The following SYNE2 variants were observed in gnomAD, a reference collection of about 807,000 sequenced individuals.
The protein encoded by SYNE2 is nesprin-2.
A neutral mutation model predicts 856.3 loss-of-function variants in SYNE2; 431 were observed. The observed-to-expected ratio is 0.50, with a 90% CI of 0.47 to 0.55. The LOEUF (loss-of-function observed/expected upper bound fraction) is 0.55, where lower values mean the gene tolerates loss of function less well. Ranked by LOEUF, SYNE2 falls within the 20% of genes least tolerant of loss-of-function variation. SYNE2 has a pLI of 0.00. For missense variants in SYNE2, 8,129 were observed against 8,023.2 expected, an observed-to-expected ratio of 1.01 and a Z score of -0.50; for synonymous variants, 2,923 against 2,872.3, an observed-to-expected ratio of 1.02 and a Z score of -0.56.
rs769633528 is a variant in SYNE2, at chr14:64,158,716, G to T, written c.15884G>T (p.Arg5295Leu). The change falls in exon 86 of 116, where the codon CGA becomes CTA. Residue 5295 changes from arginine (R) to leucine (L), a missense_variant. Arg to Leu is a moderately radical substitution (Grantham distance 102). This residue lies in a region of SYNE2 where 5,410 missense variants were observed against 5,284.8 expected (regional missense o/e 1.02). Coordinates refer to ENST00000555002, the MANE Select transcript of SYNE2 (RefSeq NM_182914.3). ...LYDEVNMMTI[R>L]FWYCMEHSKP... Reference sequence around the variant, plus strand: ...GATGAAGTGAATATGATGACAATCCGATTCTGGTACTGCATGGAACACAGC... The same window carrying T: ...GATGAAGTGAATATGATGACAATCCTATTCTGGTACTGCATGGAACACAGC... 27 of 1,613,842 alleles carry T rather than the reference G, an allele frequency of 1.7e-5. No individual in the cohort carries two copies. Among genetic ancestry groups the T allele is most frequent in the Non-Finnish European group, 2.1e-5 (25 of 1,179,928 alleles).
intron 77 of SYNE2, among the ~76,000 whole-genome samples, chr14:64,133,350 T>C (rs1439135379): frequency 1.3e-5 from 2 of 152,202 alleles, no homozygotes; most frequent in East Asian, 3.9e-4. Context: ...AAAGACTCCA[T>C]GGACCCAGTG....
intron 93 of SYNE2, 135 bp from the exon 94 acceptor site, chr14:64,170,093 C>A: frequency 1.2e-6 from 1 of 811,656 alleles, no homozygotes; most frequent in Non-Finnish European, 2.1e-6. Flanking sequence ...GAATAGCACT[C>A]AGGTGTTTAG....
chr14:64,159,278 T>C (rs1169240969), intron 86 of SYNE2, 34 bp from the exon 87 acceptor site: 2 of 1,613,318 alleles, frequency 1.2e-6, no homozygotes, highest in Non-Finnish European at 8.5e-7. Context: ...GCCAGGCCAT[T>C]CTGAAACTTA....
chr14:63,918,277 G>A (rs534440604), intron 2 of SYNE2, among the ~76,000 whole-genome samples: 1 of 152,270 alleles, frequency 6.6e-6, no homozygotes, highest in South Asian at 2.1e-4. Flanking sequence ...ACTCTGAATT[G>A]GAGGTCATTC....
At chr14:63,923,692 T>A (rs1305342055) in intron 2 of SYNE2, among the ~76,000 whole-genome samples, 1 of 152,212 alleles carries the variant, frequency 6.6e-6, no homozygotes, top group Non-Finnish European at 1.5e-5. Context: ...TTTATTAAGA[T>A]ATAATTTGAC....
At chr14:63,864,729 G>A (rs532832402) in intron 1 of SYNE2, among the ~76,000 whole-genome samples, 1 of 152,156 alleles carries the variant, frequency 6.6e-6, no homozygotes, top group Non-Finnish European at 1.5e-5. Flanking sequence ...TTCAGGGGTA[G>A]TGAGGACTGG....
At chr14:63,979,535 T>A (rs1257332786) in intron 14 of SYNE2, among the ~76,000 whole-genome samples, 23 of 152,252 alleles carry the variant, frequency 1.5e-4, no homozygotes, top group Admixed American at 1.5e-3. Flanking sequence ...TGTGTTCACA[T>A]CTAAGTTAAA....
At position 63,990,524 on chromosome 14, in the gene SYNE2, A is replaced by C. The variant is rs1487742471; in HGVS notation, c.2427A>C (p.Thr809=). ...SSQESFQHVL[T]TGLQAKIQEA... is the part of the protein sequence containing the mutation. ...AGGAGTCCTTTCAACATGTTCTCACAACTGGGCTTCAGGCAAAGATTCAAG... is the reference window on the plus strand; with the variant it reads ...AGGAGTCCTTTCAACATGTTCTCACCACTGGGCTTCAGGCAAAGATTCAAG... The change falls in exon 20 of 116, where the codon ACA becomes ACC. Residue 809 remains threonine, a synonymous_variant. Transcript: ENST00000555002. 6.2e-7 allele frequency: 1 copy of C among 1,613,848 alleles called. No individual in the cohort carries two copies. Among genetic ancestry groups the C allele is most frequent in the East Asian group, 2.2e-5 (1 of 44,870 alleles).
chr14:64,156,033 C>G (rs2098282458), intron 85 of SYNE2, among the ~76,000 whole-genome samples: 1 of 152,188 alleles, frequency 6.6e-6, no homozygotes, highest in Non-Finnish European at 1.5e-5. Context: ...TCATTTATTT[C>G]TATCTTAATA....
At chr14:64,180,779 C>G (rs1468673908) in intron 96 of SYNE2, among the ~76,000 whole-genome samples, 1 of 152,206 alleles carries the variant, frequency 6.6e-6, no homozygotes. Context: ...GCTGGGATTA[C>G]AGGCCTGAGC....
At chr14:63,860,984 C>T (rs1033014349) in intron 1 of SYNE2, among the ~76,000 whole-genome samples, 1 of 152,138 alleles carries the variant, frequency 6.6e-6, no homozygotes, top group African/African-American at 2.4e-5. Flanking sequence ...ATAACCTTGA[C>T]AGTGGGGCCC....
rs140068806 is a variant in SYNE2, at chr14:63,872,598, A to G, written c.-52+19455A>G. ...TGGTGAAATCCCATCTCTACTAAAA[A>G]TACAAAAATTAGCCGCACGTGGTGG... On this transcript the variant is annotated intron_variant, in intron 1 of 115. Transcript: ENST00000555002. Among the ~76,000 whole-genome samples the G allele has an allele frequency of 1.8e-3, 268 of 151,978 alleles. 1 individual carries two copies. Among genetic ancestry groups the G allele is most frequent in the Non-Finnish European group, 3.2e-3 (220 of 67,944 alleles).
chr14:63,779,165 C>CAA (rs796655479), intron 1 of SYNE2, among the ~76,000 whole-genome samples: 3 of 140,862 alleles, frequency 2.1e-5, no homozygotes, highest in Non-Finnish European at 3.1e-5. Context: ...ACTAAAAATA[C>CAA]AAAAAAAAAA....
intron 64 of SYNE2, among the ~76,000 whole-genome samples, chr14:64,103,682 C>G (rs548734872): frequency 1.3e-5 from 2 of 152,292 alleles, no homozygotes; most frequent in African/African-American, 4.8e-5. Context: ...TTCCTTCCTT[C>G]TCTACCTCAG....
chr14:63,763,837 A>G (rs2139685964), intron 1 of SYNE2, among the ~76,000 whole-genome samples: 1 of 152,034 alleles, frequency 6.6e-6, no homozygotes, highest in South Asian at 2.1e-4. Context: ...CAGCTAATTT[A>G]TTTTTTATTT....
At chr14:63,909,766 G>A (rs532416480) in intron 2 of SYNE2, among the ~76,000 whole-genome samples, 1 of 152,250 alleles carries the variant, frequency 6.6e-6, no homozygotes, top group Admixed American at 6.5e-5. Flanking sequence ...GTTTGAACCC[G>A]GGAGGCGGAG....
chr14:64,225,967 A>ACAAT lies in SYNE2; in HGVS notation c.*448_*451dup, dbSNP rs755203939. ...TCATAGGCACCCTTAGCTGATGGAA[A>ACAAT]CAATCAATCATATTTAATACGCTTA... On this transcript the variant is annotated 3_prime_UTR_variant, in exon 116 of 116. Transcript: ENST00000555002. 15 of 309,714 alleles carry ACAAT rather than the reference A, an allele frequency of 4.8e-5. No individual in the cohort carries two copies. The highest frequency in any genetic ancestry group is 1.7e-4 in the African/African-American group (8 of 47,710). The allele number at this position is 309,714 out of a possible 1,614,324, so 19.2% of individuals were successfully genotyped here.
intron 45 of SYNE2, among the ~76,000 whole-genome samples, chr14:64,045,437 T>C (rs1469898457): frequency 7.2e-6 from 1 of 138,170 alleles, no homozygotes. Flanking sequence ...GGGCTGGGGG[T>C]GTATTTCGGG....
chr14:64,138,963 G>A (rs556620908), intron 79 of SYNE2, among the ~76,000 whole-genome samples: 1 of 150,912 alleles, frequency 6.6e-6, no homozygotes, highest in Non-Finnish European at 1.5e-5. Flanking sequence ...GTGTGTGTGT[G>A]TGTGTGTGTG....
Sources: allele counts gnomAD v4.1 joint callset (sites outside exome capture counted in the v4.1 genomes callset), GRCh38; gene constraint gnomAD v4.1.1; regional missense constraint gnomAD v4.1.1; transcripts MANE v1.5; gene names NCBI Gene and HGNC (gene_info 2026-07-23, HGNC 2026-07-21).